The following STAT1 variants were observed in gnomAD, a reference collection of about 807,000 sequenced individuals.
STAT1 encodes the protein signal transducer and activator of transcription 1.
In STAT1, 24 loss-of-function variants were observed where a neutral mutation model predicts 111.7. That is an observed-to-expected ratio of 0.21 (90% CI 0.16 to 0.30). The LOEUF is 0.30. STAT1 is among the 10% of genes least tolerant of loss of function. STAT1 has a pLI of 1.00. For missense variants in STAT1, 351 were observed against 911.9 expected (o/e 0.38, Z 7.92); for synonymous variants, 332 against 326.5 (o/e 1.02, Z -0.18).
Position 190,999,820 on chromosome 2 carries a change from C to T in STAT1, c.463-116G>A, listed in dbSNP as rs921395124. Reference sequence around the variant, plus strand: ...AACACGAAAACAATTCCATCTCCCCCAAAAAGAGATCTGACTTGGACAGTT... The same window carrying T: ...AACACGAAAACAATTCCATCTCCCCTAAAAAGAGATCTGACTTGGACAGTT... On this transcript the variant is annotated intron_variant, in intron 6 of 24. Coordinates refer to ENST00000361099, the MANE Select transcript of STAT1 (RefSeq NM_007315.4). This position sits in a 1 kb window ranked among gnomAD's most constrained non-coding sequence, Gnocchi z 4.1. 1.1e-5 allele frequency: 8 copies of T among 734,486 alleles called. No individual in the cohort carries two copies. The highest frequency in any genetic ancestry group is 1.1e-4 in the African/African-American group (6 of 57,048). The allele number at this position is 734,486 out of a possible 1,614,324, so 45.5% of individuals were successfully genotyped here.
intron 10 of STAT1, chr2:190,992,868 C>A: frequency 6.9e-6 from 2 of 290,042 alleles, no homozygotes; most frequent in Non-Finnish European, 1.3e-5. Context: ...CGGCTCACTG[C>A]AACCTCCGCC....
chr2:190,979,067 T>C lies in STAT1; in HGVS notation c.1728-66A>G. 6.2e-7 allele frequency: 1 copy of C among 1,602,184 alleles called. No individual in the cohort carries two copies. The highest frequency in any genetic ancestry group is 8.5e-7 in the Non-Finnish European group (1 of 1,171,818). ...TCATGATTTCCATTTTCATGCTAAC[T>C]TACAAACCAAGAAAATGGCTGGAAT... is the stretch of plus-strand genomic sequence containing the variant. On this transcript the variant is annotated intron_variant, in intron 20 of 24. Transcript: ENST00000361099. The surrounding 1 kb of genome is among the most constrained non-coding windows in gnomAD (Gnocchi z 5.8).
chr2:190,978,329 T>C lies in STAT1; in HGVS notation c.1873+527A>G, dbSNP rs1692069486. 6.6e-6 allele frequency among the ~76,000 whole-genome samples: 1 copy of C among 152,190 alleles called. No homozygotes were observed. The highest frequency in any genetic ancestry group is 1.5e-5 in the Non-Finnish European group (1 of 68,040). On this transcript the variant is annotated intron_variant, in intron 21 of 24. Transcript: ENST00000361099. This position sits in a 1 kb window ranked among gnomAD's most constrained non-coding sequence, Gnocchi z 6.1. ...CTGGAGTCTTTTAGCCATGGACTCA[T>C]TTGATTAAATAGAAACCCCATATAT... is the stretch of plus-strand genomic sequence containing the variant.
chr2:191,001,561 T>C (rs1694272793), intron 5 of STAT1, among the ~76,000 whole-genome samples: 1 of 152,174 alleles, frequency 6.6e-6, no homozygotes, highest in Admixed American at 6.5e-5. Context: ...TCTCACCACC[T>C]AGGATCTTGT....
In STAT1 at chr2:190,993,035, C is replaced by A; in HGVS notation, c.945-1715G>T. 6.6e-6 allele frequency: 2 copies of A among 302,500 alleles called. No individual in the cohort carries two copies. Among genetic ancestry groups the A allele is most frequent in the South Asian group, 6.3e-5 (2 of 31,566 alleles). 18.7% of individuals were successfully genotyped at this position (302,500 alleles called of 1,614,324 possible). On this transcript the variant is annotated intron_variant, in intron 10 of 24. Transcript: ENST00000361099. This position sits in a 1 kb window ranked among gnomAD's most constrained non-coding sequence, Gnocchi z 4.1. ...GAACTCCTGACCTCAGGTGATCCACCCACCTCGGCCTCCCAAAGTGCTGGG... is the reference window on the plus strand; with the variant it reads ...GAACTCCTGACCTCAGGTGATCCACACACCTCGGCCTCCCAAAGTGCTGGG...
chr2:190,996,918 T>C lies in STAT1; in HGVS notation c.785+938A>G, dbSNP rs1323518273. Among the ~76,000 whole-genome samples, 2 of 152,218 alleles carry C rather than the reference T, an allele frequency of 1.3e-5. No homozygotes were observed. The highest frequency in any genetic ancestry group is 2.9e-5 in the Non-Finnish European group (2 of 68,038). ...TCTGTCTCTATCCTATCCTCCAGGC[T>C]GTGGCCAGAGTGCCCTTTCTAAATC... On this transcript the variant is annotated intron_variant, in intron 9 of 24. Transcript: ENST00000361099. This position sits in a 1 kb window ranked among gnomAD's most constrained non-coding sequence, Gnocchi z 4.5.
rs1022724376 is a variant in STAT1 at position 191,007,774 on chromosome 2, T to C, written c.274-113A>G. 1.1e-5 allele frequency: 8 copies of C among 742,068 alleles called. No homozygotes were observed. The highest frequency in any genetic ancestry group is 4.3e-5 in the Admixed American group (2 of 46,150). 46.0% of individuals were successfully genotyped at this position (742,068 alleles called of 1,614,324 possible). ...ATTCTCCGGGAAACCTCATCTCTCA[T>C]CTATTAAATTCTATATAAGCTATGT... On this transcript the variant is annotated intron_variant, in intron 4 of 24. Coordinates refer to ENST00000361099, the MANE Select transcript of STAT1 (RefSeq NM_007315.4). This position sits in a 1 kb window ranked among gnomAD's most constrained non-coding sequence, Gnocchi z 4.2.
At chr2:191,011,549 G>A (rs1283953717) in intron 2 of STAT1, among the ~76,000 whole-genome samples, 1 of 152,128 alleles carries the variant, frequency 6.6e-6, no homozygotes, top group African/African-American at 2.4e-5. Context: ...CTCCCAAGGA[G>A]CTCAGACTGC....
intron 2 of STAT1, among the ~76,000 whole-genome samples, 175 bp downstream of exon 2, chr2:191,013,350 A>T (rs1695287613): frequency 6.6e-6 from 1 of 151,640 alleles, no homozygotes; most frequent in African/African-American, 2.4e-5. Context: ...ACTCTTCAGT[A>T]CCGGCCAGAA....
Position 190,970,824 on chromosome 2 carries a change from A to G in STAT1, c.2239-107T>C, listed in dbSNP as rs1224601178. 3 of 1,082,640 alleles carry G rather than the reference A, an allele frequency of 2.8e-6. No homozygotes were observed. The highest frequency in any genetic ancestry group is 4.2e-6 in the Non-Finnish European group (3 of 708,570). The allele number at this position is 1,082,640 out of a possible 1,614,324, so 67.1% of individuals were successfully genotyped here. On this transcript the variant is annotated intron_variant, in intron 24 of 24. Coordinates refer to ENST00000361099, the MANE Select transcript of STAT1 (RefSeq NM_007315.4). This position sits in a 1 kb window ranked among gnomAD's most constrained non-coding sequence, Gnocchi z 5.4. The stretch of plus-strand genomic sequence containing the variant: ...TTCTAGAATGAAGTAGTAGGAAGAT[A>G]CTTGCAATGGCAAATAAATACCGTG...
chr2:190,999,573 G>A lies in STAT1; in HGVS notation c.541+53C>T. The A allele has an allele frequency of 1.6e-6, 2 of 1,245,752 alleles. No individual in the cohort carries two copies. The highest frequency in any genetic ancestry group is 2.4e-6 in the Non-Finnish European group (2 of 844,276). The allele number at this position is 1,245,752 out of a possible 1,614,324, so 77.2% of individuals were successfully genotyped here. On this transcript the variant is annotated intron_variant, in intron 7 of 24. Coordinates refer to ENST00000361099, the MANE Select transcript of STAT1 (RefSeq NM_007315.4). The surrounding 1 kb of genome is among the most constrained non-coding windows in gnomAD (Gnocchi z 4.1). ...GGAGTAATCATCTTCGTTATCTAGT[G>A]TGAACAGAAAAAATTGCAGCCAACG...
intron 4 of STAT1, among the ~76,000 whole-genome samples, chr2:191,008,468 G>A (rs1694871035): frequency 6.6e-6 from 1 of 152,130 alleles, no homozygotes; most frequent in East Asian, 1.9e-4. Context: ...TCCAGGAGAG[G>A]CCAACTCCAC....
chr2:190,983,808 C>T lies in STAT1; in HGVS notation c.1348-68G>A. On this transcript the variant is annotated intron_variant, in intron 16 of 24. Transcript: ENST00000361099. This position sits in a 1 kb window ranked among gnomAD's most constrained non-coding sequence, Gnocchi z 5.7. ...ATGTCACCTTCAGATAACTGCTTAGCCTCAACTAAAAGCAGGGGATTATTT... is the reference window on the plus strand; with the variant it reads ...ATGTCACCTTCAGATAACTGCTTAGTCTCAACTAAAAGCAGGGGATTATTT... 4 of 1,306,456 alleles carry T rather than the reference C, an allele frequency of 3.1e-6. No homozygotes were observed. In the South Asian group the frequency reaches 3.5e-5, roughly 12 times the overall value. 80.9% of individuals were successfully genotyped at this position (1,306,456 alleles called of 1,614,324 possible).
At position 190,977,036 on chromosome 2, in the gene STAT1, G is replaced by A. The variant is rs749737547; in HGVS notation, c.1874-11C>T. On this transcript the variant is annotated splice_polypyrimidine_tract_variant and intron_variant, in intron 21 of 24. Coordinates refer to ENST00000361099, the MANE Select transcript of STAT1 (RefSeq NM_007315.4). This position sits in a 1 kb window ranked among gnomAD's most constrained non-coding sequence, Gnocchi z 4.7. ...CATGGAAGTCAGGTTCTAAAAAGGA[G>A]AAAAGCTAAGTAAATCCCATAGAAC... is the stretch of plus-strand genomic sequence containing the variant. 4.3e-6 allele frequency: 7 copies of A among 1,613,768 alleles called. No individual in the cohort carries two copies. The highest frequency in any genetic ancestry group is 2.7e-5 in the African/African-American group (2 of 74,914).
Position 190,980,504 on chromosome 2 carries a change from A to G in STAT1, c.1632+116T>C, listed in dbSNP as rs1692293906. The G allele has an allele frequency of 2.4e-6, 3 of 1,253,294 alleles. No homozygotes were observed. In the African/African-American group the frequency reaches 4.4e-5, roughly 19 times the overall value. 77.6% of individuals were successfully genotyped at this position (1,253,294 alleles called of 1,614,324 possible). On this transcript the variant is annotated intron_variant, in intron 19 of 24. Transcript: ENST00000361099. The surrounding 1 kb of genome is among the most constrained non-coding windows in gnomAD (Gnocchi z 6.1). ...AACTTGCCCGAGGGGCTCCTTGGCC[A>G]GAGAAGAACACGCCAAAATAAGCAA...
rs1437984125 is a variant in STAT1, at chr2:190,984,736, A to G, written c.1264-343T>C. The stretch of plus-strand genomic sequence containing the variant: ...ATCTCAATGCAGATGGGTGGGGAGA[A>G]GGTGAGAGGACTGGGAGTAAGTGCA... On this transcript the variant is annotated intron_variant, in intron 15 of 24. Coordinates refer to ENST00000361099, the MANE Select transcript of STAT1 (RefSeq NM_007315.4). This position sits in a 1 kb window ranked among gnomAD's most constrained non-coding sequence, Gnocchi z 5.2. Among the ~76,000 whole-genome samples the G allele has an allele frequency of 6.6e-6, 1 of 152,204 alleles. No homozygotes were observed. The highest frequency in any genetic ancestry group is 1.5e-5 in the Non-Finnish European group (1 of 68,040).
Position 190,997,745 on chromosome 2 carries a change from C to G in STAT1, c.785+111G>C. The G allele has an allele frequency of 2.7e-6, 4 of 1,501,746 alleles. No individual in the cohort carries two copies. Among genetic ancestry groups the G allele is most frequent in the East Asian group, 4.5e-5 (2 of 43,966 alleles). The allele number at this position is 1,501,746 out of a possible 1,614,324, so 93.0% of individuals were successfully genotyped here. On this transcript the variant is annotated intron_variant, in intron 9 of 24. Coordinates refer to ENST00000361099, the MANE Select transcript of STAT1 (RefSeq NM_007315.4). The surrounding 1 kb of genome is among the most constrained non-coding windows in gnomAD (Gnocchi z 7.3). ...AGCAGAAGCTGGACTATGTCAAACT[C>G]TATACTAATGTTTTGACAGGGTCCA...
In STAT1 at chr2:190,984,305, C is replaced by G; in HGVS notation, c.1347+5G>C. The G allele has an allele frequency of 6.2e-7, 1 of 1,611,530 alleles. No individual in the cohort carries two copies. Among genetic ancestry groups the G allele is most frequent in the Non-Finnish European group, 8.5e-7 (1 of 1,177,662 alleles). On this transcript the variant is annotated splice_donor_5th_base_variant and intron_variant, in intron 16 of 24. Transcript: ENST00000361099. The surrounding 1 kb of genome is among the most constrained non-coding windows in gnomAD (Gnocchi z 5.2). ...TTTTCCAACTCGGGACCATAAAAGT[C>G]TTACCTCGAGGTCAATTACCAAACC...
chr2:190,976,803 C>A lies in STAT1; in HGVS notation c.2059+37G>T, dbSNP rs754876958. On this transcript the variant is annotated intron_variant, in intron 22 of 24. Transcript: ENST00000361099. This position sits in a 1 kb window ranked among gnomAD's most constrained non-coding sequence, Gnocchi z 6.0. ...ATAATCACCCCCTCATCAGGAAAGA[C>A]TGTGCCACGCTGTTACCACCTGCTT... 6.4e-7 allele frequency: 1 copy of A among 1,572,438 alleles called. No individual in the cohort carries two copies. The highest frequency in any genetic ancestry group is 8.8e-7 in the Non-Finnish European group (1 of 1,142,210).
Sources: gnomAD v4.1 joint callset for allele counts (sites outside exome capture counted in the v4.1 genomes callset) on GRCh38, gnomAD v4.1.1 for gene constraint, Gnocchi (gnomAD v3.1) non-coding constraint, MANE v1.5 for transcripts, NCBI Gene and HGNC (gene_info 2026-07-23, HGNC 2026-07-21) for gene names.